The following CNTN1 variants were observed in gnomAD, a reference collection of about 807,000 sequenced individuals.
CNTN1 encodes the protein contactin 1.
Under a neutral mutation model 126.4 loss-of-function variants are expected in CNTN1, and 38 were observed. The ratio of observed to expected loss-of-function variants is 0.30; its 90% confidence interval spans 0.23 to 0.39. CNTN1 has a LOEUF of 0.39. Ranked by LOEUF, CNTN1 falls within the 10% of genes least tolerant of loss-of-function variation. The pLI, the probability that CNTN1 is intolerant of heterozygous loss-of-function variation, is 1.00. For synonymous variants in CNTN1, 413 were observed against 422.6 expected, an observed-to-expected ratio of 0.98 and a Z score of 0.28; for missense variants, 1,009 against 1,248.4, an observed-to-expected ratio of 0.81 and a Z score of 2.89.
intron 23 of CNTN1, among the ~76,000 whole-genome samples, chr12:41,057,835 C>G (rs1323039371): frequency 6.6e-6 from 1 of 151,916 alleles, no homozygotes; most frequent in Non-Finnish European, 1.5e-5. Context: ...ACTTCTAATG[C>G]ACAGGCAATA....
chr12:40,936,755 C>T, intron 9 of CNTN1, 26 bp from the exon 10 acceptor site: 1 of 1,611,728 alleles, frequency 6.2e-7, no homozygotes, highest in Non-Finnish European at 8.5e-7. Context: ...CTTCATTTAA[C>T]ATTTACAATG....
At chr12:40,903,824 C>T (rs1944703110) in intron 1 of CNTN1, among the ~76,000 whole-genome samples, 1 of 152,104 alleles carries the variant, frequency 6.6e-6, no homozygotes. Context: ...AATAACTTTT[C>T]ATTCTGATTA....
At chr12:40,791,665 A>T (rs544860180) in intron 1 of CNTN1, among the ~76,000 whole-genome samples, 2 of 152,246 alleles carry the variant, frequency 1.3e-5, no homozygotes, top group East Asian at 3.9e-4. Flanking sequence ...AAAACTGTGA[A>T]TTATGTAGCT....
intron 1 of CNTN1, among the ~76,000 whole-genome samples, chr12:40,707,584 T>C (rs1941804342): frequency 6.6e-6 from 1 of 152,198 alleles, no homozygotes; most frequent in African/African-American, 2.4e-5. Context: ...GATGGCTCTT[T>C]ACAAACATTG....
intron 2 of CNTN1, among the ~76,000 whole-genome samples, chr12:40,909,229 A>C (rs912668327): frequency 2.0e-5 from 3 of 152,054 alleles, no homozygotes; most frequent in Non-Finnish European, 4.4e-5. Flanking sequence ...GAAATATTAT[A>C]TTTCTGTCTT....
chr12:41,020,406 A>G lies in CNTN1; in HGVS notation c.2489A>G (p.Glu830Gly). The G allele has an allele frequency of 6.2e-7, 1 of 1,612,208 alleles. No homozygotes were observed. The highest frequency in any genetic ancestry group is 8.5e-7 in the Non-Finnish European group (1 of 1,178,826). The change falls in exon 20 of 24, where the codon GAA becomes GGA. Residue 830 changes from glutamate (E) to glycine (G), a missense_variant. Glu to Gly is a moderately conservative substitution (Grantham distance 98, BLOSUM62 -2). Coordinates refer to ENST00000551295, the MANE Select transcript of CNTN1 (RefSeq NM_001843.4). ...LSSSEISVHW[E>G]HVLEKIVESY... ...TCTTCTGAGATATCTGTTCATTGGG[A>G]ACATGTTTTAGAAAAAATAGTGGAA... is the stretch of plus-strand genomic sequence containing the variant.
intron 1 of CNTN1, among the ~76,000 whole-genome samples, chr12:40,836,612 A>G (rs1942069067): frequency 6.6e-6 from 1 of 152,222 alleles, no homozygotes; most frequent in Non-Finnish European, 1.5e-5. Flanking sequence ...AACCAAAATC[A>G]GGAGAGGACA....
At chr12:40,829,674 G>A (rs35195782) in intron 1 of CNTN1, among the ~76,000 whole-genome samples, 4,684 of 152,144 alleles carry the variant, frequency 0.031, 100 homozygotes, top group Non-Finnish European at 0.051. Flanking sequence ...AATCTTCAAA[G>A]CTGATCTAGT....
At chr12:40,905,402 C>T (rs749555509) in intron 1 of CNTN1, among the ~76,000 whole-genome samples, 12 of 152,050 alleles carry the variant, frequency 7.9e-5, no homozygotes, top group Non-Finnish European at 1.5e-4. Context: ...AATTCTTCAC[C>T]TTTATTTATC....
intron 23 of CNTN1, among the ~76,000 whole-genome samples, chr12:41,060,216 A>C (rs564272488): frequency 6.6e-6 from 1 of 152,252 alleles, no homozygotes; most frequent in South Asian, 2.1e-4. Flanking sequence ...TAGAACGAGC[A>C]ATTTTTGTGG....
chr12:40,693,895 TTCATATTTCATGTTTTCAATATG>T (rs534943452), intron 1 of CNTN1, among the ~76,000 whole-genome samples: 259 of 152,312 alleles, frequency 1.7e-3, no homozygotes, highest in South Asian at 7.5e-3. Flanking sequence ...AGATCAATAT[TTCATATTTCATGTTTTCAATATG>T]TCATATTTCA....
At chr12:40,911,733 GT>G (rs969810179) in intron 3 of CNTN1, among the ~76,000 whole-genome samples, 1 of 152,008 alleles carries the variant, frequency 6.6e-6, no homozygotes, top group Admixed American at 6.5e-5. Context: ...GAGCATGCTT[GT>G]TTTTTTTCTT....
At chr12:40,900,972 G>C (rs952352456) in intron 1 of CNTN1, among the ~76,000 whole-genome samples, 2 of 152,132 alleles carry the variant, frequency 1.3e-5, no homozygotes, top group African/African-American at 4.8e-5. Flanking sequence ...GAGATTGAAG[G>C]GAGCCAGGCA....
chr12:40,846,765 C>T (rs1252185116), intron 1 of CNTN1, among the ~76,000 whole-genome samples: 1 of 152,210 alleles, frequency 6.6e-6, no homozygotes, highest in Non-Finnish European at 1.5e-5. Context: ...ATTCTCAGCT[C>T]ACCAAAACCT....
At chr12:40,998,295 A>G (rs1948272558) in intron 17 of CNTN1, among the ~76,000 whole-genome samples, 1 of 152,164 alleles carries the variant, frequency 6.6e-6, no homozygotes, top group Non-Finnish European at 1.5e-5. Context: ...ACTGTGGATA[A>G]TTATAATTTT....
chr12:41,032,686 T>G (rs1458169652), intron 23 of CNTN1, among the ~76,000 whole-genome samples: 1 of 152,240 alleles, frequency 6.6e-6, no homozygotes, highest in Non-Finnish European at 1.5e-5. Flanking sequence ...GCAATTAAGG[T>G]AGCAGGCTAC....
intron 14 of CNTN1, among the ~76,000 whole-genome samples, chr12:40,957,888 G>A (rs985467959): frequency 6.6e-6 from 1 of 152,044 alleles, no homozygotes; most frequent in East Asian, 1.9e-4. Flanking sequence ...AATCCAGCAA[G>A]GGTTGCAAAC....
chr12:40,819,238 A>G (rs1273637318), intron 1 of CNTN1, among the ~76,000 whole-genome samples: 1 of 152,024 alleles, frequency 6.6e-6, no homozygotes, highest in Non-Finnish European at 1.5e-5. Context: ...GCTGGGGGGA[A>G]GCCCACTTCT....
chr12:41,060,431 C>T (rs1949916705), intron 23 of CNTN1, among the ~76,000 whole-genome samples: 1 of 152,076 alleles, frequency 6.6e-6, no homozygotes, highest in Non-Finnish European at 1.5e-5. Flanking sequence ...CTCTTTGCCT[C>T]AAAAACTAAT....
Sources: allele counts gnomAD v4.1 joint callset (sites outside exome capture counted in the v4.1 genomes callset), GRCh38; gene constraint gnomAD v4.1.1; transcripts MANE v1.5; gene names NCBI Gene and HGNC (gene_info 2026-07-23, HGNC 2026-07-21).